Variants in NPIPB7 observed in about 807,000 individuals in gnomAD.
NPIPB7 encodes nuclear pore complex interacting protein family member B7.
For missense variants in NPIPB7, 14 were observed against 238.5 expected (o/e 0.06, Z 6.20); for synonymous variants, 9 against 88.1 (o/e 0.10, Z 5.03).
upstream of NPIPB7, among the ~76,000 whole-genome samples, chr16:28,470,733 G>C (rs1449766457): frequency 4.0e-5 from 6 of 150,904 alleles, no homozygotes; most frequent in South Asian, 2.1e-4. Context: ...AAGAAGAAAG[G>C]GGTCTGGGAA....
At chr16:28,471,870 G>A (rs1203947041), upstream of NPIPB7, among the ~76,000 whole-genome samples, 1 of 151,966 alleles carries the variant, frequency 6.6e-6, no homozygotes, top group Non-Finnish European at 1.5e-5. Context: ...GACCTCTCAG[G>A]GATGTCCAAG....
At chr16:28,471,991 C>G (rs879651568), upstream of NPIPB7, among the ~76,000 whole-genome samples, 133 of 152,168 alleles carry the variant, frequency 8.7e-4, no homozygotes, top group Non-Finnish European at 8.1e-4. Flanking sequence ...GATAGTGCCA[C>G]TGCACTCCAG....
At chr16:28,470,751 G>C (rs1278131349), upstream of NPIPB7, among the ~76,000 whole-genome samples, 17 of 150,592 alleles carry the variant, frequency 1.1e-4, no homozygotes, top group African/African-American at 3.9e-4. Flanking sequence ...GAAAGGATCC[G>C]GTTCAAATTA....
At chr16:28,468,746 G>T (rs1304181204) in intron 1 of NPIPB7, among the ~76,000 whole-genome samples, 1 of 122,684 alleles carries the variant, frequency 8.2e-6, no homozygotes, top group East Asian at 2.3e-4. Flanking sequence ...GGCAGAGGTT[G>T]CAGTGAGCCG....
upstream of NPIPB7, among the ~76,000 whole-genome samples, chr16:28,470,757 A>C (rs2045944735): frequency 6.6e-6 from 1 of 150,516 alleles, no homozygotes; most frequent in African/African-American, 2.4e-5. Flanking sequence ...ATCCGGTTCA[A>C]ATTAAGTTCT....
At chr16:28,462,024 G>A (rs1476219659) in intron 4 of NPIPB7, among the ~76,000 whole-genome samples, 2 of 148,262 alleles carry the variant, frequency 1.3e-5, no homozygotes, top group East Asian at 4.1e-4. Flanking sequence ...GGAAGCTGAG[G>A]CAGAATTGCT....
At chr16:28,472,082 A>C (rs2045954778), upstream of NPIPB7, among the ~76,000 whole-genome samples, 2 of 152,364 alleles carry the variant, frequency 1.3e-5, no homozygotes, top group Non-Finnish European at 2.9e-5. Flanking sequence ...AGCTCACTAC[A>C]AAGCTATAGT....
exon 1 of NPIPB7, chr16:28,470,529 C>T (rs1378599687): frequency 2.9e-6 from 2 of 680,532 alleles, no homozygotes; most frequent in Admixed American, 2.8e-5. Flanking sequence ...GGGACCGGGG[C>T]CGGATCTGAG....
At chr16:28,471,869 G>C (rs1256677100), upstream of NPIPB7, among the ~76,000 whole-genome samples, 2 of 152,040 alleles carry the variant, frequency 1.3e-5, no homozygotes, top group African/African-American at 4.8e-5. Flanking sequence ...TGACCTCTCA[G>C]GGATGTCCAA....
intron 1 of NPIPB7, chr16:28,469,628 G>T (rs375236376): frequency 2.2e-5 from 6 of 267,858 alleles, no homozygotes; most frequent in East Asian, 1.2e-4. Context: ...AAATAATGTA[G>T]ATCTTGAAAG....
chr16:28,465,488 G>C (rs868096047), intron 2 of NPIPB7, among the ~76,000 whole-genome samples: 799 of 137,166 alleles, frequency 5.8e-3, no homozygotes, highest in African/African-American at 0.021. Context: ...CGTCTCGGGG[G>C]TGAGAAAAGA....
At chr16:28,464,353 T>A (rs2045891671) in intron 2 of NPIPB7, among the ~76,000 whole-genome samples, 2 of 151,510 alleles carry the variant, frequency 1.3e-5, no homozygotes, top group Admixed American at 1.3e-4. Flanking sequence ...ATGACTGAAT[T>A]CCCTCCAAGA....
chr16:28,461,947 CA>C (rs56100146), intron 4 of NPIPB7, among the ~76,000 whole-genome samples: 29,126 of 91,376 alleles, frequency 0.32, 773 homozygotes, highest in Non-Finnish European at 0.4. Flanking sequence ...GACTCTGTCT[CA>C]AAAAAAAAAA....
intron 2 of NPIPB7, among the ~76,000 whole-genome samples, chr16:28,463,803 G>A (rs1326588332): frequency 3.4e-4 from 46 of 134,170 alleles, no homozygotes; most frequent in Non-Finnish European, 5.0e-4. Context: ...TTGGGAGGCT[G>A]AGGCGGGTGA....
intron 2 of NPIPB7, among the ~76,000 whole-genome samples, chr16:28,463,727 CAAAAAAAAA>C (rs1199745082): frequency 7.3e-4 from 11 of 15,102 alleles, no homozygotes; most frequent in East Asian, 2.3e-3. Context: ...AACTCTGTCT[CAAAAAAAAA>C]AAAAAAAAAA....
chr16:28,464,991 A>G (rs2045897858), intron 2 of NPIPB7, among the ~76,000 whole-genome samples: 1 of 100,990 alleles, frequency 9.9e-6, no homozygotes, highest in Non-Finnish European at 1.9e-5. Flanking sequence ...GAGCTAGGAG[A>G]AATGTCAAAC....
intron 4 of NPIPB7, among the ~76,000 whole-genome samples, chr16:28,460,383 G>A (rs1425418740): frequency 1.6e-5 from 2 of 121,784 alleles, no homozygotes; most frequent in African/African-American, 6.3e-5. Context: ...TCCTAAGTCA[G>A]GGTGTTATGT....
At chr16:28,456,973 G>C (rs950935835) in exon 7 of NPIPB7, 1 of 1,367,770 alleles carries the variant, frequency 7.3e-7, no homozygotes, top group South Asian at 1.2e-5. Context: ...CTGTGAGGTA[G>C]AGCCAGTAGG....
exon 7 of NPIPB7, chr16:28,456,574 C>A: frequency 2.0e-6 from 1 of 492,074 alleles, no homozygotes; most frequent in South Asian, 2.0e-5. Context: ...CCACCCTCCA[C>A]CTCTTGGGTT....
Sources: gnomAD v4.1 joint callset for allele counts (sites outside exome capture counted in the v4.1 genomes callset) on GRCh38, gnomAD v4.1.1 for gene constraint, MANE v1.5 for transcripts, NCBI Gene and HGNC (gene_info 2026-07-23, HGNC 2026-07-21) for gene names.